MMP10: variants seen among roughly 807,000 people sequenced by gnomAD.
MMP10 encodes matrix metallopeptidase 10.
MMP10 carries 50 observed loss-of-function variants against 49.1 expected under a neutral mutation model. That is an observed-to-expected ratio of 1.02 (90% CI 0.81 to 1.29). The LOEUF is 1.29. MMP10 is among the 50% of genes most tolerant of loss of function. MMP10 has a pLI of 0.00. For synonymous variants in MMP10, 229 were observed against 201.6 expected (o/e 1.14, Z -1.15); for missense variants, 613 against 563.8 (o/e 1.09, Z -0.88).
chr11:102,776,230 G>T, intron 6 of MMP10, 50 bp downstream of exon 6: 2 of 1,524,458 alleles, frequency 1.3e-6, no homozygotes, highest in South Asian at 2.5e-5. Context: ...TTCTTTCTAA[G>T]CACTGTACAT....
chr11:102,779,386 T>A (rs757335707), intron 2 of MMP10, 25 bp from the exon 3 acceptor site: 1 of 1,612,060 alleles, frequency 6.2e-7, no homozygotes, highest in Non-Finnish European at 8.5e-7. Context: ...TTGAAGAGGA[T>A]GTTATTTTCT....
chr11:102,779,305 T>C lies in MMP10; in HGVS notation c.404A>G (p.Lys135Arg), dbSNP rs1386108402. ...CACCTCTTCCCAGACTTTCAGAGCT[T>C]TCTCAATGGCAGAATCAACAGCATC... ...PRDAVDSAIE[K>R]ALKVWEEVTP... The change falls in exon 3 of 10, where the codon AAA becomes AGA. Residue 135 changes from lysine (K) to arginine (R), a missense_variant. Physicochemically the swap from Lys to Arg is conservative, Grantham distance 26. Transcript: ENST00000279441. 1.2e-6 allele frequency: 2 copies of C among 1,614,136 alleles called. No individual in the cohort carries two copies. The highest frequency in any genetic ancestry group is 3.3e-5 in the Admixed American group (2 of 60,014).
At chr11:102,778,310 C>A (rs1857774312) in intron 4 of MMP10, among the ~76,000 whole-genome samples, 1 of 152,154 alleles carries the variant, frequency 6.6e-6, no homozygotes, top group African/African-American at 2.4e-5. Flanking sequence ...CTATCCTAAT[C>A]ATCTATCATT....
At chr11:102,776,883 T>C (rs1857749230) in intron 4 of MMP10, 107 bp from the exon 5 acceptor site, 2 of 1,287,822 alleles carry the variant, frequency 1.6e-6, no homozygotes, top group Non-Finnish European at 2.2e-6. Flanking sequence ...CACAATGTCT[T>C]TTCAGTATTT....
Position 102,772,837 on chromosome 11 carries a change from T to G in MMP10, c.1226+10A>C. On this transcript the variant is annotated intron_variant, in intron 8 of 9. Coordinates refer to ENST00000279441, the MANE Select transcript of MMP10 (RefSeq NM_002425.3). This position sits in a 1 kb window ranked among gnomAD's most constrained non-coding sequence, Gnocchi z 4.4. ...AGGCTTCATAGAAAGTCATTTCTCT[T>G]GCATCTCACCTCCAGTATTTGTCCG... 6.2e-7 allele frequency: 1 copy of G among 1,604,034 alleles called. No individual in the cohort carries two copies. The highest frequency in any genetic ancestry group is 8.5e-7 in the Non-Finnish European group (1 of 1,176,402).
rs1861979573 is a variant in MMP10 at position 102,771,909 on chromosome 11, T to C, written c.1330+103A>G. On this transcript the variant is annotated intron_variant, in intron 9 of 9. Coordinates refer to ENST00000279441, the MANE Select transcript of MMP10 (RefSeq NM_002425.3). ...TCAGGAATTTGGAGTAAAAAAGATA[T>C]CAGACTGAATGATTTAAAAACTGTT... 6.6e-6 allele frequency: 5 copies of C among 758,400 alleles called. 1 individual carries two copies. The highest frequency in any genetic ancestry group is 4.8e-5 in the South Asian group (3 of 62,152). 47.0% of individuals were successfully genotyped at this position (758,400 alleles called of 1,614,324 possible). A position where few individuals can be genotyped will look rare whatever the true frequency, so the allele number is the denominator to read the frequency against.
chr11:102,773,151 T>C (rs1861991265), intron 7 of MMP10, 145 bp from the exon 8 acceptor site: 1 of 591,348 alleles, frequency 1.7e-6, no homozygotes, highest in South Asian at 3.2e-5. Flanking sequence ...TAATAAATAC[T>C]CCCTGAATGA....
rs1004606148 is a variant in MMP10, at chr11:102,776,398, G to C, written c.814C>G (p.Pro272Ala). Residue 272 changes from proline to alanine, a missense_variant, in exon 6 of 10, where the codon CCC becomes GCC. Physicochemically the swap from Pro to Ala is conservative, Grantham distance 27. Transcript: ENST00000279441. ...YGPPPASTEEPLVPTKSVPSG... is the reference protein window; with the variant it reads ...YGPPPASTEEALVPTKSVPSG... ...GGAACAGATTTTGTGGGCACCAGGG[G>C]TTCCTCAGTAGAGGCAGGGGGAGGT... 1 of 1,613,794 alleles carries C rather than the reference G, an allele frequency of 6.2e-7. No individual in the cohort carries two copies. Among genetic ancestry groups the C allele is most frequent in the East Asian group, 2.2e-5 (1 of 44,892 alleles).
At chr11:102,770,957 A>G (rs887915107) in intron 9 of MMP10, 64 bp from the exon 10 acceptor site, 44 of 1,087,158 alleles carry the variant, frequency 4.0e-5, no homozygotes, top group Non-Finnish European at 5.7e-5. Flanking sequence ...AACACATATA[A>G]CTTAGATTAA....
chr11:102,775,172 C>G lies in MMP10; in HGVS notation c.1066+16G>C, dbSNP rs1301099474. The G allele has an allele frequency of 6.7e-7, 1 of 1,499,394 alleles. No homozygotes were observed. The highest frequency in any genetic ancestry group is 2.3e-5 in the East Asian group (1 of 42,590). 92.9% of individuals were successfully genotyped at this position (1,499,394 alleles called of 1,614,324 possible). On this transcript the variant is annotated intron_variant, in intron 7 of 9. Coordinates refer to ENST00000279441, the MANE Select transcript of MMP10 (RefSeq NM_002425.3). ...GGATTTATTCCAGCAAGTTGAAATT[C>G]TTATATAGTACTCACCTTTAAAAAT...
chr11:102,778,574 G>C, intron 4 of MMP10, 50 bp downstream of exon 4: 1 of 1,590,802 alleles, frequency 6.3e-7, no homozygotes, highest in Middle Eastern at 1.7e-4. Context: ...TTATTTTTGG[G>C]TAGGATTGGA....
At chr11:102,771,054 AC>A (rs1861970784) in intron 9 of MMP10, among the ~76,000 whole-genome samples, 161 bp from the exon 10 acceptor site, 1 of 152,198 alleles carries the variant, frequency 6.6e-6, no homozygotes. Flanking sequence ...TATCTCAATT[AC>A]CCTTACAAAA....
Position 102,780,518 on chromosome 11 carries a change from T to G in MMP10, c.74A>C (p.Lys25Thr). The G allele has an allele frequency of 1.2e-6, 2 of 1,613,968 alleles. No homozygotes were observed. Among genetic ancestry groups the G allele is most frequent in the Non-Finnish European group, 1.7e-6 (2 of 1,179,940 alleles). The change falls in exon 1 of 10, where the codon AAA becomes ACA. Residue 25 changes from lysine to threonine, a missense_variant. By Grantham distance (78) the Lys-to-Thr change is moderately conservative (BLOSUM62 -1). Transcript: ENST00000279441. Reference sequence around the variant, plus strand: ...AAGATCCTTGTTGGAGTCCTCCTCTTTTGCTGCCCCACTCAGAGGATAGGC... The same window carrying G: ...AAGATCCTTGTTGGAGTCCTCCTCTGTTGCTGCCCCACTCAGAGGATAGGC... ...CSAYPLSGAAKEEDSNKDLAQ... is the reference protein window; with the variant it reads ...CSAYPLSGAATEEDSNKDLAQ...
intron 2 of MMP10, 65 bp downstream of exon 2, chr11:102,779,439 T>C: frequency 6.2e-7 from 1 of 1,608,704 alleles, no homozygotes; most frequent in African/African-American, 1.3e-5. Flanking sequence ...TTATGTTACT[T>C]ATCCAAATAT....
chr11:102,772,212 G>C lies in MMP10; in HGVS notation c.1227-97C>G. 1.3e-6 allele frequency: 1 copy of C among 745,650 alleles called. No individual in the cohort carries two copies. The highest frequency in any genetic ancestry group is 2.2e-6 in the Non-Finnish European group (1 of 463,664). The allele number at this position is 745,650 out of a possible 1,614,324, so 46.2% of individuals were successfully genotyped here. On this transcript the variant is annotated intron_variant, in intron 8 of 9. Coordinates refer to ENST00000279441, the MANE Select transcript of MMP10 (RefSeq NM_002425.3). The surrounding 1 kb of genome is among the most constrained non-coding windows in gnomAD (Gnocchi z 4.4). ...GTTAATTTTCCAGTGTGGAATCCTA[G>C]ACAAACTTTTTAAGTTGTGTAAAAA... is the stretch of plus-strand genomic sequence containing the variant.
intron 9 of MMP10, 100 bp downstream of exon 9, chr11:102,771,912 G>A: frequency 1.3e-6 from 1 of 772,670 alleles, no homozygotes; most frequent in Non-Finnish European, 2.2e-6. Flanking sequence ...AAAGATATCA[G>A]ACTGAATGAT....
Position 102,772,134 on chromosome 11 carries a change from A to G in MMP10, c.1227-19T>C. 4 of 1,464,860 alleles carry G rather than the reference A, an allele frequency of 2.7e-6. No homozygotes were observed. Among genetic ancestry groups the G allele is most frequent in the Non-Finnish European group, 3.8e-6 (4 of 1,045,046 alleles). 90.7% of individuals were successfully genotyped at this position (1,464,860 alleles called of 1,614,324 possible). A position where few individuals can be genotyped will look rare whatever the true frequency, so the allele number is the denominator to read the frequency against. On this transcript the variant is annotated intron_variant, in intron 8 of 9. Coordinates refer to ENST00000279441, the MANE Select transcript of MMP10 (RefSeq NM_002425.3). The surrounding 1 kb of genome is among the most constrained non-coding windows in gnomAD (Gnocchi z 4.4). ...ATCAAATCTAAACCAAATGAAAGAA[A>G]TACAGTTCAATGATGTGCAGTAGTC...
At position 102,776,690 on chromosome 11, in the gene MMP10, G is replaced by A; in HGVS notation, c.709C>T (p.Pro237Ser). Reference sequence around the variant, plus strand: ...AGCTCTGTGAATGAGTTGTAGAGTGGGTACATCAAAGCTTCAGTGTTGGCT... The same window carrying A: ...AGCTCTGTGAATGAGTTGTAGAGTGAGTACATCAAAGCTTCAGTGTTGGCT... ...HSANTEALMY[P>S]LYNSFTELAQ... The change falls in exon 5 of 10, where the codon CCA (proline) becomes TCA (serine). Residue 237 changes from proline to serine, a missense_variant. Transcript: ENST00000279441. 27 of 1,613,964 alleles carry A rather than the reference G, an allele frequency of 1.7e-5. No homozygotes were observed. The highest frequency in any genetic ancestry group is 2.3e-5 in the Non-Finnish European group (27 of 1,179,938).
In MMP10 at chr11:102,772,984, T is replaced by C. The variant is rs1861989621; in HGVS notation, c.1089A>G (p.Arg363=). The part of the protein sequence containing the change: ...IFKGNEFWAI[R]GNEVQAGYPR... ...GATAACCTGCTTGTACCTCATTTCC[T>C]CTGATGGCCCAGAACTCATTTCCTA... The change falls in exon 8 of 10, where the codon AGA becomes AGG. Residue 363 remains arginine, a synonymous_variant. Coordinates refer to ENST00000279441, the MANE Select transcript of MMP10 (RefSeq NM_002425.3). This position sits in a 1 kb window ranked among gnomAD's most constrained non-coding sequence, Gnocchi z 4.4. 2.5e-6 allele frequency: 4 copies of C among 1,609,948 alleles called. No homozygotes were observed. The highest frequency in any genetic ancestry group is 3.4e-6 in the Non-Finnish European group (4 of 1,178,606).
Sources: gnomAD v4.1 joint callset for allele counts (sites outside exome capture counted in the v4.1 genomes callset) on GRCh38, gnomAD v4.1.1 for gene constraint, Gnocchi (gnomAD v3.1) non-coding constraint, MANE v1.5 for transcripts, NCBI Gene and HGNC (gene_info 2026-07-23, HGNC 2026-07-21) for gene names.